The following STARD3NL variants were observed in gnomAD, a reference collection of about 807,000 sequenced individuals.
STARD3NL encodes the protein STARD3 N-terminal-like protein.
STARD3NL carries 17 observed loss-of-function variants against 30.9 expected under a neutral mutation model. That is an observed-to-expected ratio of 0.55 (90% CI 0.38 to 0.82). STARD3NL has a LOEUF of 0.82. Among genes scored for constraint, STARD3NL ranks in the 40% least tolerant of loss-of-function variants. The pLI is 0.00. For synonymous variants in STARD3NL, 112 were observed against 100.5 expected, an observed-to-expected ratio of 1.11 and a Z score of -0.69; for missense variants, 234 against 277.6, an observed-to-expected ratio of 0.84 and a Z score of 1.12.
intron 7 of STARD3NL, among the ~76,000 whole-genome samples, chr7:38,226,817 C>T (rs891793124): frequency 2.0e-5 from 3 of 152,162 alleles, no homozygotes; most frequent in East Asian, 1.9e-4. Flanking sequence ...CCAAACTAAG[C>T]GATCTCCCTT....
chr7:38,204,262 G>T (rs1785332114), intron 1 of STARD3NL, among the ~76,000 whole-genome samples: 2 of 152,184 alleles, frequency 1.3e-5, no homozygotes, highest in African/African-American at 4.8e-5. Context: ...AAATGTAAAA[G>T]AAGAGAAATT....
At chr7:38,224,811 A>C (rs951162785) in intron 7 of STARD3NL, among the ~76,000 whole-genome samples, 2 of 152,244 alleles carry the variant, frequency 1.3e-5, no homozygotes, top group African/African-American at 4.8e-5. Flanking sequence ...AAAAGGTGAC[A>C]GTTCTCAACT....
intron 7 of STARD3NL, among the ~76,000 whole-genome samples, chr7:38,221,463 C>A (rs923119082): frequency 6.6e-6 from 1 of 152,084 alleles, no homozygotes; most frequent in Non-Finnish European, 1.5e-5. Flanking sequence ...TAGATGTTTG[C>A]TAAGTGCCTC....
intron 7 of STARD3NL, among the ~76,000 whole-genome samples, chr7:38,220,313 C>T (rs956294256): frequency 4.6e-5 from 7 of 152,094 alleles, no homozygotes; most frequent in African/African-American, 1.7e-4. Context: ...AAAAAATATG[C>T]AAGGGTTTTG....
intron 7 of STARD3NL, among the ~76,000 whole-genome samples, chr7:38,224,540 G>T (rs535729004): frequency 2.0e-5 from 3 of 152,086 alleles, no homozygotes; most frequent in East Asian, 3.9e-4. Context: ...ATTGTGTGCC[G>T]TTCTGAGTAG....
chr7:38,197,712 G>A (rs780952722), intron 1 of STARD3NL, among the ~76,000 whole-genome samples: 12 of 152,134 alleles, frequency 7.9e-5, no homozygotes, highest in Non-Finnish European at 5.9e-5. Context: ...AGAATATGAC[G>A]GTGACGCTGT....
At chr7:38,229,451 T>C (rs1483195791) in intron 8 of STARD3NL, among the ~76,000 whole-genome samples, 1 of 152,262 alleles carries the variant, frequency 6.6e-6, no homozygotes, top group Non-Finnish European at 1.5e-5. Context: ...GTGGAACACA[T>C]TGTTAAATCC....
At chr7:38,187,056 C>T (rs7788819) in intron 1 of STARD3NL, among the ~76,000 whole-genome samples, 64,747 of 151,706 alleles carry the variant, frequency 0.43, 14,164 homozygotes, top group East Asian at 0.5. Flanking sequence ...AATGAAAGAA[C>T]ATTCTTAATC....
intron 1 of STARD3NL, among the ~76,000 whole-genome samples, chr7:38,207,094 TGGA>T (rs1384912096): frequency 6.6e-6 from 1 of 152,254 alleles, no homozygotes; most frequent in Non-Finnish European, 1.5e-5. Flanking sequence ...TACAGGACTG[TGGA>T]GGTTTTCTCC....
intron 1 of STARD3NL, among the ~76,000 whole-genome samples, chr7:38,200,419 T>C (rs1241738684): frequency 6.6e-6 from 1 of 151,096 alleles, no homozygotes; most frequent in Non-Finnish European, 1.5e-5. Context: ...TTAACCTATA[T>C]ATTTTTTAAG....
chr7:38,191,686 A>G (rs1784692173), intron 1 of STARD3NL, among the ~76,000 whole-genome samples: 1 of 152,162 alleles, frequency 6.6e-6, no homozygotes, highest in South Asian at 2.1e-4. Flanking sequence ...TCAAAATTGA[A>G]ATGACCATAT....
chr7:38,201,781 A>C (rs1163382909), intron 1 of STARD3NL: 1 of 151,430 alleles, frequency 6.6e-6, no homozygotes, highest in Admixed American at 6.7e-5. Context: ...GTCTGCCTCC[A>C]GGTTCAAGTG....
At chr7:38,208,157 T>A (rs1191584257) in intron 2 of STARD3NL, among the ~76,000 whole-genome samples, 1 of 152,200 alleles carries the variant, frequency 6.6e-6, no homozygotes, top group East Asian at 1.9e-4. Flanking sequence ...GCAAAAATAT[T>A]TGTTCTCTAG....
chr7:38,214,148 T>C (rs1478734055), intron 2 of STARD3NL, among the ~76,000 whole-genome samples: 1 of 152,254 alleles, frequency 6.6e-6, no homozygotes. Context: ...ACTATACATT[T>C]ATATCTGTTG....
intron 7 of STARD3NL, 29 bp downstream of exon 7, chr7:38,219,689 G>C: frequency 6.4e-7 from 1 of 1,574,630 alleles, no homozygotes; most frequent in East Asian, 2.3e-5. Flanking sequence ...ATTTGTGCTT[G>C]TATCTCTCAT....
rs759554337 is a variant in STARD3NL at position 38,207,526 on chromosome 7, A to G, written c.22A>G (p.Met8Val). The G allele has an allele frequency of 1.2e-6, 2 of 1,613,992 alleles. No homozygotes were observed. The highest frequency in any genetic ancestry group is 1.7e-6 in the Non-Finnish European group (2 of 1,179,934). The change falls in exon 2 of 9, where the codon ATG becomes GTG. Residue 8 changes from methionine (M) to valine (V), a missense_variant. By Grantham distance (21) the Met-to-Val change is conservative (BLOSUM62 1). Transcript: ENST00000009041. Reference sequence around the variant, plus strand: ...CAGGATGAACCACCTGCCAGAAGACATGGAGAACGCTCTCACCGGGAGCCA... The same window carrying G: ...CAGGATGAACCACCTGCCAGAAGACGTGGAGAACGCTCTCACCGGGAGCCA... Reference protein sequence around the residue: MNHLPEDMENALTGSQSS... With the variant: MNHLPEDVENALTGSQSS...
intron 1 of STARD3NL, among the ~76,000 whole-genome samples, chr7:38,206,331 G>A (rs111592816): frequency 3.3e-4 from 51 of 152,262 alleles, no homozygotes; most frequent in African/African-American, 1.1e-3. Context: ...TTCTGCCCAC[G>A]TTACATGCCA....
intron 1 of STARD3NL, 93 bp downstream of exon 1, chr7:38,178,513 G>A (rs1203039227): frequency 6.6e-6 from 1 of 152,536 alleles, no homozygotes; most frequent in African/African-American, 2.4e-5. Context: ...GGGGACCCGC[G>A]GACGGAGGCC....
intron 6 of STARD3NL, among the ~76,000 whole-genome samples, chr7:38,218,470 A>G (rs1236576973): frequency 2.0e-5 from 3 of 152,222 alleles, no homozygotes; most frequent in Non-Finnish European, 2.9e-5. Context: ...AAAGCTAATG[A>G]AAGTCTTTTT....
Sources: allele counts gnomAD v4.1 joint callset (sites outside exome capture counted in the v4.1 genomes callset), GRCh38; gene constraint gnomAD v4.1.1; transcripts MANE v1.5; gene names NCBI Gene and HGNC (gene_info 2026-07-23, HGNC 2026-07-21).